FAT3: variants seen among roughly 807,000 people sequenced by gnomAD.
The protein encoded by FAT3 is FAT atypical cadherin 3.
A neutral mutation model predicts 310.2 loss-of-function variants in FAT3; 95 were observed. The observed-to-expected ratio is 0.31, with a 90% CI of 0.26 to 0.36. FAT3 has a LOEUF of 0.36. Among genes scored for constraint, FAT3 ranks in the 10% least tolerant of loss-of-function variants. The probability of loss-of-function intolerance (pLI) is 1.00; values close to 1 mark genes in which losing one functional copy is unlikely to be tolerated. For missense variants in FAT3, 5,408 were observed against 5,715.6 expected (o/e 0.95, Z 1.74); for synonymous variants, 2,314 against 2,192.9 (o/e 1.06, Z -1.54).
chr11:92,883,380 C>G lies in FAT3; in HGVS notation c.12924C>G (p.Asp4308Glu), dbSNP rs2136418749. 1 of 1,602,122 alleles carries G rather than the reference C, an allele frequency of 6.2e-7. No homozygotes were observed. The highest frequency in any genetic ancestry group is 1.3e-5 in the African/African-American group (1 of 74,854). ...DCDSIRKNGW[D>E]AGTENKGVDD... ...ACTCCATCCGGAAGAATGGCTGGGA[C>G]GCGGGAACTGAGAGTGAGTAGGAAG... Residue 4308 changes from aspartate to glutamate, a missense_variant, in exon 24 of 28, where the codon GAC (aspartate) becomes GAG (glutamate). By Grantham distance (45) the Asp-to-Glu change is conservative. Transcript: ENST00000525166. The surrounding 1 kb of genome is among the most constrained non-coding windows in gnomAD (Gnocchi z 4.2).
At chr11:92,569,228 G>A (rs1480655787) in intron 3 of FAT3, among the ~76,000 whole-genome samples, 2 of 152,054 alleles carry the variant, frequency 1.3e-5, no homozygotes, top group East Asian at 3.9e-4. Context: ...TAACCTCTTT[G>A]TGCCTTCATT....
At chr11:92,312,473 C>T (rs1947333739) in intron 1 of FAT3, among the ~76,000 whole-genome samples, 1 of 152,106 alleles carries the variant, frequency 6.6e-6, no homozygotes, top group Non-Finnish European at 1.5e-5. Context: ...AGATGAATCA[C>T]CCTTAAAAGG....
Position 92,785,457 on chromosome 11 carries a change from A to G in FAT3, c.4336-4486A>G, listed in dbSNP as rs141796366. Among the ~76,000 whole-genome samples the G allele has an allele frequency of 2.9e-3, 440 of 152,244 alleles. 2 individuals are homozygous for G. Among genetic ancestry groups the G allele is most frequent in the African/African-American group, 9.7e-3 (404 of 41,572 alleles). On this transcript the variant is annotated intron_variant, in intron 7 of 27. Transcript: ENST00000525166. ...AAAACTATCTCTGTTTGCATGTAATATAATTATATATCTGAAAAACTCAAA... is the reference window on the plus strand; with the variant it reads ...AAAACTATCTCTGTTTGCATGTAATGTAATTATATATCTGAAAAACTCAAA...
intron 2 of FAT3, among the ~76,000 whole-genome samples, chr11:92,484,555 C>T (rs887477759): frequency 1.3e-5 from 2 of 152,074 alleles, no homozygotes; most frequent in Admixed American, 6.5e-5. Context: ...ATTAGGCCTC[C>T]TCAGGGAAGG....
chr11:92,699,597 A>T (rs1185696542), intron 4 of FAT3, among the ~76,000 whole-genome samples: 1 of 152,178 alleles, frequency 6.6e-6, no homozygotes, highest in Non-Finnish European at 1.5e-5. Flanking sequence ...CAAAATTCAA[A>T]ATGTTCCATT....
chr11:92,886,644 C>G (rs1386504613), intron 24 of FAT3, among the ~76,000 whole-genome samples: 1 of 152,218 alleles, frequency 6.6e-6, no homozygotes. Flanking sequence ...CTCATCAGTT[C>G]ATGTAAATGA....
chr11:92,682,408 T>C (rs1667730968), intron 3 of FAT3, among the ~76,000 whole-genome samples: 2 of 152,192 alleles, frequency 1.3e-5, no homozygotes, highest in Admixed American at 6.5e-5. Context: ...CTGAGTGTTT[T>C]TGAGCAGGCG....
intron 4 of FAT3, among the ~76,000 whole-genome samples, chr11:92,734,468 T>C (rs941223188): frequency 4.6e-5 from 7 of 152,180 alleles, no homozygotes; most frequent in Non-Finnish European, 8.8e-5. Context: ...TAGGATTTTT[T>C]AAAATCGCAG....
At chr11:92,507,461 G>A (rs1953141884) in intron 2 of FAT3, among the ~76,000 whole-genome samples, 2 of 151,778 alleles carry the variant, frequency 1.3e-5, no homozygotes, top group East Asian at 3.9e-4. Flanking sequence ...GCTTTTATAT[G>A]TATATATATG....
At chr11:92,471,436 T>C (rs1431763730) in intron 2 of FAT3, among the ~76,000 whole-genome samples, 1 of 152,058 alleles carries the variant, frequency 6.6e-6, no homozygotes, top group Non-Finnish European at 1.5e-5. Flanking sequence ...ACCAAAATGA[T>C]CAGTAAACAT....
At chr11:92,301,283 A>G (rs1386217042) in intron 1 of FAT3, among the ~76,000 whole-genome samples, 1 of 152,168 alleles carries the variant, frequency 6.6e-6, no homozygotes, top group Non-Finnish European at 1.5e-5. Flanking sequence ...AGTTGAAGGA[A>G]GAGGATAGAT....
intron 4 of FAT3, among the ~76,000 whole-genome samples, chr11:92,761,465 A>G (rs915725761): frequency 5.3e-5 from 8 of 152,212 alleles, no homozygotes; most frequent in Admixed American, 3.3e-4. Context: ...TCCAAGGTCA[A>G]CATTCCAGCA....
chr11:92,525,587 G>C (rs558720436), intron 3 of FAT3, among the ~76,000 whole-genome samples: 49 of 152,290 alleles, frequency 3.2e-4, no homozygotes, highest in Admixed American at 5.9e-4. Context: ...TGCATTCTGA[G>C]ACAGGTATGT....
rs536232685 is a variant in FAT3 at position 92,465,122 on chromosome 11, T to C, written c.3293-59512T>C. Among the ~76,000 whole-genome samples the C allele has an allele frequency of 9.2e-5, 14 of 152,270 alleles. No homozygotes were observed. In the South Asian group the frequency reaches 2.9e-3, roughly 32 times the overall value. On this transcript the variant is annotated intron_variant, in intron 2 of 27. Coordinates refer to ENST00000525166, the MANE Select transcript of FAT3 (RefSeq NM_001367949.2). ...GGGTAACTAATATTTGCAGCCGGGG[T>C]ACAATAATGGCAAGGAAAAAAATTT... is the stretch of plus-strand genomic sequence containing the variant.
intron 2 of FAT3, among the ~76,000 whole-genome samples, chr11:92,433,609 G>A (rs565140539): frequency 3.9e-5 from 6 of 152,152 alleles, no homozygotes; most frequent in Admixed American, 3.3e-4. Flanking sequence ...ACCTCAGTTG[G>A]AAATGCAGAA....
chr11:92,623,207 A>C (rs1340948776), intron 3 of FAT3, among the ~76,000 whole-genome samples: 22 of 152,060 alleles, frequency 1.4e-4, no homozygotes, highest in Non-Finnish European at 2.6e-4. Context: ...CATTAGTCAA[A>C]TCTGACTAAA....
At chr11:92,308,203 C>T (rs914682488) in intron 1 of FAT3, among the ~76,000 whole-genome samples, 1 of 152,076 alleles carries the variant, frequency 6.6e-6, no homozygotes, top group Non-Finnish European at 1.5e-5. Flanking sequence ...AGTTTTATTG[C>T]CATCTCTTTC....
At chr11:92,461,992 G>A (rs1951649518) in intron 2 of FAT3, among the ~76,000 whole-genome samples, 1 of 152,130 alleles carries the variant, frequency 6.6e-6, no homozygotes, top group Non-Finnish European at 1.5e-5. Context: ...AAAGCTCTTC[G>A]CAGTATCCAT....
intron 3 of FAT3, among the ~76,000 whole-genome samples, chr11:92,635,629 C>G (rs1941739136): frequency 1.3e-5 from 2 of 152,112 alleles, no homozygotes; most frequent in Non-Finnish European, 1.5e-5. Flanking sequence ...AGTTAAATTC[C>G]CCAGAATGCC....
Sources: gnomAD v4.1 joint callset for allele counts (sites outside exome capture counted in the v4.1 genomes callset) on GRCh38, gnomAD v4.1.1 for gene constraint, Gnocchi (gnomAD v3.1) non-coding constraint, MANE v1.5 for transcripts, NCBI Gene and HGNC (gene_info 2026-07-23, HGNC 2026-07-21) for gene names.